The following IFT57 variants were observed in gnomAD, a reference collection of about 807,000 sequenced individuals.
IFT57 encodes the protein intraflagellar transport protein 57 homolog.
In IFT57, 59 loss-of-function variants were observed where a neutral mutation model predicts 56.8. The observed-to-expected ratio is 1.04, with a 90% CI of 0.84 to 1.29. The LOEUF is 1.29. Among genes scored for constraint, IFT57 ranks in the 50% most tolerant of loss-of-function variants. IFT57 has a pLI of 0.00. For missense variants in IFT57, 470 were observed against 522.1 expected (o/e 0.90, Z 0.97); for synonymous variants, 209 against 186.1 (o/e 1.12, Z -1.00).
intron 5 of IFT57, among the ~76,000 whole-genome samples, chr3:108,203,290 T>C (rs1014943400): frequency 2.6e-5 from 4 of 152,220 alleles, no homozygotes; most frequent in African/African-American, 9.6e-5. Flanking sequence ...CATGTGTCTA[T>C]TTCTAATAAA....
chr3:108,193,863 T>C (rs77083667), intron 5 of IFT57, among the ~76,000 whole-genome samples: 5 of 152,334 alleles, frequency 3.3e-5, no homozygotes, highest in South Asian at 2.1e-4. Flanking sequence ...CACTGGCACA[T>C]TGAGTACCTG....
intron 6 of IFT57, among the ~76,000 whole-genome samples, chr3:108,182,963 G>A (rs2080160022): frequency 6.6e-6 from 1 of 151,958 alleles, no homozygotes; most frequent in Admixed American, 6.6e-5. Context: ...TATCCACAGG[G>A]CATTAAAGCA....
At chr3:108,167,742 G>T in intron 7 of IFT57, 51 bp downstream of exon 7, 1 of 1,254,470 alleles carries the variant, frequency 8.0e-7, no homozygotes, top group Non-Finnish European at 1.1e-6. Context: ...TATAACAGGT[G>T]TTCCACAGAT....
intron 5 of IFT57, among the ~76,000 whole-genome samples, chr3:108,196,719 C>T (rs2080246467): frequency 6.6e-6 from 1 of 152,034 alleles, no homozygotes; most frequent in South Asian, 2.1e-4. Flanking sequence ...GGGGAAATGG[C>T]CCAGTTGCTA....
Position 108,191,518 on chromosome 3 carries a change from T to C in IFT57, c.777+3A>G, listed in dbSNP as rs1386645681. ...TTAAGAAAATGTGTTCCCACTTTGA[T>C]ACCTTATTGTCAGTCCTAATCGTGA... On this transcript the variant is annotated splice_donor_region_variant and intron_variant, in intron 6 of 10. Transcript: ENST00000264538. The C allele has an allele frequency of 6.4e-7, 1 of 1,560,530 alleles. No homozygotes were observed.
Position 108,214,041 on chromosome 3 carries a change from C to T in IFT57, c.495-20G>A. ...ATTGGCCTAAAATAATAAGATTAAA[C>T]ATGAGGTGATAATTTTAATATTTAG... On this transcript the variant is annotated intron_variant, in intron 3 of 10. Transcript: ENST00000264538. The T allele has an allele frequency of 7.2e-7, 1 of 1,382,398 alleles. No homozygotes were observed. The highest frequency in any genetic ancestry group is 1.0e-6 in the Non-Finnish European group (1 of 975,402). 85.6% of individuals were successfully genotyped at this position (1,382,398 alleles called of 1,614,324 possible). A position where few individuals can be genotyped will look rare whatever the true frequency, so the allele number is the denominator to read the frequency against.
chr3:108,189,602 T>C (rs1560112653), intron 6 of IFT57, among the ~76,000 whole-genome samples: 1 of 152,150 alleles, frequency 6.6e-6, no homozygotes, highest in Non-Finnish European at 1.5e-5. Flanking sequence ...GTTTTTTATC[T>C]AGATGTCTCT....
intron 3 of IFT57, among the ~76,000 whole-genome samples, chr3:108,217,420 A>C (rs971831361): frequency 2.6e-5 from 4 of 152,038 alleles, no homozygotes; most frequent in Non-Finnish European, 4.4e-5. Context: ...ACATCTCATA[A>C]CTTATCTTCT....
In IFT57 at chr3:108,162,015, A is replaced by T. The variant is rs2108305901; in HGVS notation, c.*462T>A. ...AAAAGTGGCAATTTTAGGTAACCAT[A>T]AAGCTGAGGCAAAGGCAGTTTGGGT... On this transcript the variant is annotated 3_prime_UTR_variant, in exon 11 of 11. Transcript: ENST00000264538. 6.6e-6 allele frequency: 1 copy of T among 152,576 alleles called. No individual in the cohort carries two copies. Among genetic ancestry groups the T allele is most frequent in the South Asian group, 2.1e-4 (1 of 4,834 alleles). The allele number at this position is 152,576 out of a possible 1,614,324, so 9.5% of individuals were successfully genotyped here.
chr3:108,195,976 T>C (rs1455275344), intron 5 of IFT57, among the ~76,000 whole-genome samples: 2 of 152,098 alleles, frequency 1.3e-5, no homozygotes, highest in Non-Finnish European at 2.9e-5. Context: ...TATTTCAAAA[T>C]ACCTAAAAAT....
At chr3:108,210,572 A>G (rs2080338377) in intron 4 of IFT57, among the ~76,000 whole-genome samples, 2 of 151,996 alleles carry the variant, frequency 1.3e-5, no homozygotes, top group Admixed American at 1.3e-4. Context: ...CCCTCAAGTG[A>G]TCTGCCCACC....
chr3:108,195,726 A>G (rs2080240514), intron 5 of IFT57, among the ~76,000 whole-genome samples: 2 of 152,162 alleles, frequency 1.3e-5, no homozygotes, highest in Admixed American at 6.6e-5. Context: ...GAACAGTAAG[A>G]CAAATATCAC....
At chr3:108,202,403 C>T (rs2080284000) in intron 5 of IFT57, among the ~76,000 whole-genome samples, 1 of 152,234 alleles carries the variant, frequency 6.6e-6, no homozygotes, top group African/African-American at 2.4e-5. Flanking sequence ...CTTTCCTGCT[C>T]CCACTCCCTA....
chr3:108,170,371 C>T (rs1271440339), intron 6 of IFT57, among the ~76,000 whole-genome samples: 1 of 151,828 alleles, frequency 6.6e-6, no homozygotes, highest in Non-Finnish European at 1.5e-5. Flanking sequence ...AAGTAGAGAG[C>T]TAAATCATGA....
chr3:108,162,951 A>G (rs1038990507), intron 10 of IFT57, among the ~76,000 whole-genome samples: 1 of 152,052 alleles, frequency 6.6e-6, no homozygotes, highest in African/African-American at 2.4e-5. Flanking sequence ...ATGAGCTAGT[A>G]TATTTGTCTG....
intron 5 of IFT57, among the ~76,000 whole-genome samples, chr3:108,205,597 T>A (rs984010143): frequency 2.0e-5 from 3 of 150,622 alleles, no homozygotes; most frequent in Non-Finnish European, 3.0e-5. Context: ...TGGGGAGGGG[T>A]AGTCAAGGAA....
intron 1 of IFT57, among the ~76,000 whole-genome samples, chr3:108,221,585 C>G (rs2080405589): frequency 6.6e-6 from 1 of 152,176 alleles, no homozygotes; most frequent in Non-Finnish European, 1.5e-5. Context: ...AGTTTACTAA[C>G]CGCATTTAAA....
Position 108,214,030 on chromosome 3 carries a change from A to G in IFT57, c.495-9T>C, listed in dbSNP as rs773219617. On this transcript the variant is annotated splice_polypyrimidine_tract_variant and intron_variant, in intron 3 of 10. Transcript: ENST00000264538. ...CTACTGGGTATATTGGCCTAAAATA[A>G]TAAGATTAAACATGAGGTGATAATT... The G allele has an allele frequency of 1.9e-5, 29 of 1,502,368 alleles. No individual in the cohort carries two copies. The highest frequency in any genetic ancestry group is 1.7e-4 in the Middle Eastern group (1 of 5,908). The allele number at this position is 1,502,368 out of a possible 1,614,324, so 93.1% of individuals were successfully genotyped here. A position where few individuals can be genotyped will look rare whatever the true frequency, so the allele number is the denominator to read the frequency against.
At chr3:108,170,751 A>G (rs754877392) in intron 6 of IFT57, among the ~76,000 whole-genome samples, 1 of 151,946 alleles carries the variant, frequency 6.6e-6, no homozygotes. Context: ...ACTTCAAACT[A>G]TGCTACAAGG....
Sources: gnomAD v4.1 joint callset for allele counts (sites outside exome capture counted in the v4.1 genomes callset) on GRCh38, gnomAD v4.1.1 for gene constraint, MANE v1.5 for transcripts, NCBI Gene and HGNC (gene_info 2026-07-23, HGNC 2026-07-21) for gene names.